Variants in LAMA4 observed in about 807,000 individuals in gnomAD.
LAMA4 encodes laminin subunit alpha 4, also known as laminin subunit alpha-4.
Under a neutral mutation model 207.1 loss-of-function variants are expected in LAMA4, and 127 were observed. That is an observed-to-expected ratio of 0.61 (90% CI 0.53 to 0.71). The LOEUF is 0.71. Among genes scored for constraint, LAMA4 ranks in the 30% least tolerant of loss-of-function variants. The probability of loss-of-function intolerance (pLI) is 0.00; values close to 1 mark genes in which losing one functional copy is unlikely to be tolerated. For missense variants in LAMA4, 2,093 were observed against 2,246.5 expected (o/e 0.93, Z 1.38); for synonymous variants, 761 against 816.0 (o/e 0.93, Z 1.15).
At chr6:112,244,930 T>C (rs997798686) in intron 2 of LAMA4, among the ~76,000 whole-genome samples, 2 of 152,198 alleles carry the variant, frequency 1.3e-5, no homozygotes, top group African/African-American at 2.4e-5. Flanking sequence ...AGGGTGTCTA[T>C]TGGCATTAAT....
intron 13 of LAMA4, among the ~76,000 whole-genome samples, chr6:112,163,252 A>C (rs1294792544): frequency 6.6e-6 from 1 of 152,058 alleles, no homozygotes; most frequent in Non-Finnish European, 1.5e-5. Flanking sequence ...GAGTGCTGGG[A>C]TTAGAGGCGT....
At chr6:112,157,673 A>C (rs1321084170) in intron 14 of LAMA4, among the ~76,000 whole-genome samples, 1 of 152,204 alleles carries the variant, frequency 6.6e-6, no homozygotes, top group Non-Finnish European at 1.5e-5. Context: ...AATCCCAATG[A>C]ATGGGATGTA....
intron 4 of LAMA4, among the ~76,000 whole-genome samples, chr6:112,205,459 A>G (rs560476820): frequency 1.5e-5 from 2 of 134,106 alleles, no homozygotes; most frequent in Non-Finnish European, 3.3e-5. Context: ...AATCCCATGG[A>G]AAGTGAGATC....
chr6:112,149,977 C>T (rs1033635233), intron 17 of LAMA4, among the ~76,000 whole-genome samples: 6 of 152,162 alleles, frequency 3.9e-5, no homozygotes, highest in African/African-American at 4.8e-5. Flanking sequence ...TTAAGCAAAA[C>T]GTGTGCTTTT....
chr6:112,172,542 A>G (rs1489752505), intron 12 of LAMA4, 69 bp downstream of exon 12: 3 of 1,446,634 alleles, frequency 2.1e-6, no homozygotes, highest in Non-Finnish European at 2.9e-6. Flanking sequence ...ATTTATATCA[A>G]CAGCCCCTTC....
rs73544342 is a variant in LAMA4, at chr6:112,214,605, G to A, written c.297+1763C>T. Among the ~76,000 whole-genome samples the A allele has an allele frequency of 7.7e-3, 1,178 of 152,168 alleles. 23 individuals are homozygous for A. The highest frequency in any genetic ancestry group is 0.026 in the African/African-American group (1,096 of 41,510). Reference sequence around the variant, plus strand: ...TGAGGGAAAAAAGATATTTTTCTCCGGACAGGATGAGGTGGAGAAACCATC... The same window carrying A: ...TGAGGGAAAAAAGATATTTTTCTCCAGACAGGATGAGGTGGAGAAACCATC... On this transcript the variant is annotated intron_variant, in intron 3 of 38. Coordinates refer to ENST00000230538, the MANE Select transcript of LAMA4 (RefSeq NM_001105206.3).
At position 112,117,092 on chromosome 6, in the gene LAMA4, CG is replaced by C. The variant is rs1562625297; in HGVS notation, c.4981+646del. ...TTTATACCCTTTCCTATCCTAATTC[CG>C]GGCACTTATTCTGGTGTCTTCCTCA... is the stretch of plus-strand genomic sequence containing the variant. On this transcript the variant is annotated intron_variant, in intron 35 of 38. Coordinates refer to ENST00000230538, the MANE Select transcript of LAMA4 (RefSeq NM_001105206.3). This position sits in a 1 kb window ranked among gnomAD's most constrained non-coding sequence, Gnocchi z 4.5. 6.6e-6 allele frequency among the ~76,000 whole-genome samples: 1 copy of C among 152,104 alleles called. No individual in the cohort carries two copies. Among genetic ancestry groups the C allele is most frequent in the African/African-American group, 2.4e-5 (1 of 41,416 alleles).
intron 2 of LAMA4, among the ~76,000 whole-genome samples, chr6:112,250,824 T>A (rs1787391087): frequency 6.6e-6 from 1 of 152,212 alleles, no homozygotes; most frequent in African/African-American, 2.4e-5. Context: ...TGTTACTGGC[T>A]TCTTGTGGGG....
chr6:112,111,102 G>A (rs587634218), intron 38 of LAMA4, among the ~76,000 whole-genome samples: 1 of 152,292 alleles, frequency 6.6e-6, no homozygotes, highest in South Asian at 2.1e-4. Flanking sequence ...GTGCAGCGGT[G>A]TGATCTGTGC....
chr6:112,154,895 T>C lies in LAMA4; in HGVS notation c.2012A>G (p.Asn671Ser). Residue 671 changes from asparagine (N) to serine (S), a missense_variant, in exon 16 of 39, where the codon AAC (asparagine) becomes AGC (serine). Physicochemically the swap from Asn to Ser is conservative, Grantham distance 46. Transcript: ENST00000230538. Reference protein sequence around the residue: ...QIIYHKDESENLLNQARELQA... With the variant: ...QIIYHKDESESLLNQARELQA... Reference sequence around the variant, plus strand: ...CAGTTCTCTGGCTTGATTGAGGAGGTTCTCACTTTCATCTTTATGGTAAAT... The same window carrying C: ...CAGTTCTCTGGCTTGATTGAGGAGGCTCTCACTTTCATCTTTATGGTAAAT... The C allele has an allele frequency of 6.2e-7, 1 of 1,613,466 alleles. No homozygotes were observed. Among genetic ancestry groups the C allele is most frequent in the Non-Finnish European group, 8.5e-7 (1 of 1,179,480 alleles).
At chr6:112,190,984 C>CTT (rs1365645427) in intron 6 of LAMA4, among the ~76,000 whole-genome samples, 1 of 129,468 alleles carries the variant, frequency 7.7e-6, no homozygotes, top group African/African-American at 2.9e-5. Context: ...TTCTTTCTTT[C>CTT]TTTCCTCTTT....
At chr6:112,247,392 C>CTT (rs1787033255) in intron 2 of LAMA4, among the ~76,000 whole-genome samples, 1 of 152,100 alleles carries the variant, frequency 6.6e-6, no homozygotes, top group African/African-American at 2.4e-5. Context: ...AAAGCAGAGG[C>CTT]TGCAAATAAA....
intron 6 of LAMA4, among the ~76,000 whole-genome samples, chr6:112,190,693 A>G (rs1782966396): frequency 6.6e-6 from 1 of 152,230 alleles, no homozygotes; most frequent in South Asian, 2.1e-4. Context: ...AAAGTTTTCT[A>G]TGCTATCTTT....
At chr6:112,157,839 T>A (rs7739355) in intron 14 of LAMA4, 1 of 152,060 alleles carries the variant, frequency 6.6e-6, no homozygotes, top group African/African-American at 2.4e-5. Context: ...TGATACCGAG[T>A]GGGATATGGC....
chr6:112,150,422 AAAC>A lies in LAMA4; in HGVS notation c.2173+86_2173+88del, dbSNP rs549986338. 0.015 allele frequency: 7,217 copies of A among 478,510 alleles called. 211 individuals carry two copies. The East Asian group carries it at 0.16, about 11-fold the overall frequency. The allele number at this position is 478,510 out of a possible 1,614,324, so 29.6% of individuals were successfully genotyped here. Reference sequence around the variant, plus strand: ...AACATTTATGTATAAAATCATTGACAAACAAAGAATTACCTAATCCTTCCTTGA... The same window carrying A: ...AACATTTATGTATAAAATCATTGACAAAAGAATTACCTAATCCTTCCTTGA... On this transcript the variant is annotated intron_variant, in intron 17 of 38. Transcript: ENST00000230538.
Position 112,204,484 on chromosome 6 carries a change from A to C in LAMA4, c.422+2537T>G, listed in dbSNP as rs554896823. Among the ~76,000 whole-genome samples, 71 of 152,256 alleles carry C rather than the reference A, an allele frequency of 4.7e-4. 1 individual carries two copies. In the South Asian group the frequency reaches 1.0e-2, roughly 21 times the overall value. On this transcript the variant is annotated intron_variant, in intron 4 of 38. Transcript: ENST00000230538. ...TTCATCTGCTACTGCCAAAAAAAAA[A>C]AAACAAACACTGCAGCTCGACGCCT...
chr6:112,166,360 C>A (rs1347539504), intron 12 of LAMA4: 8 of 152,268 alleles, frequency 5.3e-5, no homozygotes, highest in Middle Eastern at 3.4e-3. Flanking sequence ...TCCATCAAGC[C>A]TAATACAGTG....
intron 3 of LAMA4, among the ~76,000 whole-genome samples, chr6:112,207,733 T>C (rs1554354928): frequency 6.6e-6 from 1 of 152,138 alleles, no homozygotes; most frequent in Admixed American, 6.5e-5. Context: ...TTGTATGATT[T>C]TCCCACTTGT....
chr6:112,112,709 C>T (rs3777945), intron 38 of LAMA4, among the ~76,000 whole-genome samples: 2 of 151,860 alleles, frequency 1.3e-5, no homozygotes, highest in South Asian at 2.1e-4. Flanking sequence ...TTTTTCACAC[C>T]GGGTTACTAT....
Sources: allele counts gnomAD v4.1 joint callset (sites outside exome capture counted in the v4.1 genomes callset), GRCh38; gene constraint gnomAD v4.1.1; non-coding constraint Gnocchi (gnomAD v3.1); transcripts MANE v1.5; gene names NCBI Gene and HGNC (gene_info 2026-07-23, HGNC 2026-07-21).